The following MDM4 variants were observed in gnomAD, a reference collection of about 807,000 sequenced individuals.
MDM4 encodes MDM4 regulator of p53, also known as protein Mdm4.
In MDM4, 2 loss-of-function variants were observed where a neutral mutation model predicts 60.2. The observed-to-expected ratio is 0.03, with a 90% CI of 0.01 to 0.10. The LOEUF is 0.10. Ranked by LOEUF, MDM4 falls within the 10% of genes least tolerant of loss-of-function variation. The probability of loss-of-function intolerance (pLI) is 1.00; values close to 1 mark genes in which losing one functional copy is unlikely to be tolerated. For missense variants in MDM4, 447 were observed against 577.5 expected (o/e 0.77, Z 2.32); for synonymous variants, 202 against 198.1 (o/e 1.02, Z -0.17).
chr1:204,549,999 G>C lies in MDM4; in HGVS notation c.*317G>C, dbSNP rs1572530561. On this transcript the variant is annotated 3_prime_UTR_variant, in exon 11 of 11. Coordinates refer to ENST00000367182, the MANE Select transcript of MDM4 (RefSeq NM_002393.5). ...TGAGGTATAATTAACATGATAAAGT[G>C]TTTCCTTCTAACGAGTTGTAGAAAT... is the stretch of plus-strand genomic sequence containing the variant. 1 of 260,748 alleles carries C rather than the reference G, an allele frequency of 3.8e-6. No individual in the cohort carries two copies. Among genetic ancestry groups the C allele is most frequent in the African/African-American group, 2.2e-5 (1 of 46,024 alleles). 16.2% of individuals were successfully genotyped at this position (260,748 alleles called of 1,614,324 possible).
At chr1:204,532,931 A>G (rs1164996040) in intron 5 of MDM4, 1 of 1,205,114 alleles carries the variant, frequency 8.3e-7, no homozygotes, top group African/African-American at 1.5e-5. Flanking sequence ...CTTTATAGGT[A>G]ATGCTTTGTA....
At chr1:204,521,300 G>A (rs1000654366) in intron 1 of MDM4, among the ~76,000 whole-genome samples, 2 of 152,212 alleles carry the variant, frequency 1.3e-5, no homozygotes, top group African/African-American at 4.8e-5. Flanking sequence ...TCAGTGGGAT[G>A]ATAGGCTGAG....
rs145640886 is a variant in MDM4, at chr1:204,556,985, T to G, written c.*7303T>G. On this transcript the variant is annotated 3_prime_UTR_variant, in exon 11 of 11. Coordinates refer to ENST00000367182, the MANE Select transcript of MDM4 (RefSeq NM_002393.5). ...AGAGTTAAGTATTGAGTGCCAGTCT[T>G]GACGTCCGTATGCCTCAGTTTTTCT... The G allele has an allele frequency of 1.1e-3, 229 of 207,820 alleles. No homozygotes were observed. The East Asian group carries it at 0.017, about 15-fold the overall frequency. The allele number at this position is 207,820 out of a possible 1,614,324, so 12.9% of individuals were successfully genotyped here.
chr1:204,543,019 C>T (rs1313445292), intron 8 of MDM4, 75 bp downstream of exon 8: 1 of 1,225,364 alleles, frequency 8.2e-7, no homozygotes, highest in East Asian at 2.3e-5. Context: ...CTTGACCACA[C>T]ATTATATTCT....
rs915456318 is a variant in MDM4 at position 204,557,875 on chromosome 1, T to C, written c.*8193T>C. On this transcript the variant is annotated 3_prime_UTR_variant, in exon 11 of 11. Transcript: ENST00000367182. ...TAAAATAACTTTTTGGGAGACTGAA[T>C]TGAGTAATAATAAAACTTCAGTCTT... 5.4e-6 allele frequency: 1 copy of C among 185,860 alleles called. No homozygotes were observed. The highest frequency in any genetic ancestry group is 2.4e-5 in the African/African-American group (1 of 42,470). 11.5% of individuals were successfully genotyped at this position (185,860 alleles called of 1,614,324 possible).
At position 204,523,217 on chromosome 1, in the gene MDM4, C is replaced by A. The variant is rs189945228; in HGVS notation, c.-35-2267C>A. ...AGACGTGGTGGCTCATGCCTGTAAT[C>A]CCAGCACTTTGGGAGGCTGAGGCAG... On this transcript the variant is annotated intron_variant, in intron 1 of 10. Coordinates refer to ENST00000367182, the MANE Select transcript of MDM4 (RefSeq NM_002393.5). Among the ~76,000 whole-genome samples the A allele has an allele frequency of 3.1e-3, 468 of 149,758 alleles. 2 individuals carry two copies. Among genetic ancestry groups the A allele is most frequent in the African/African-American group, 0.011 (437 of 41,170 alleles).
Position 204,551,461 on chromosome 1 carries a change from C to CT in MDM4, c.*1808dup, listed in dbSNP as rs56047802. On this transcript the variant is annotated 3_prime_UTR_variant, in exon 11 of 11. Transcript: ENST00000367182. ...ATACTGGATGGTTGAGAGGCAGCCT[C>CT]TTTTTTTTTTTTTTTTTTTTTTTTT... is the stretch of plus-strand genomic sequence containing the variant. The CT allele has an allele frequency of 0.015, 1,380 of 91,282 alleles. 98 individuals carry two copies. The highest frequency in any genetic ancestry group is 0.026 in the Admixed American group (138 of 5,406). 5.7% of individuals were successfully genotyped at this position (91,282 alleles called of 1,614,324 possible). A position where few individuals can be genotyped will look rare whatever the true frequency, so the allele number is the denominator to read the frequency against.
At chr1:204,522,608 A>T (rs1466626190) in intron 1 of MDM4, among the ~76,000 whole-genome samples, 1 of 151,702 alleles carries the variant, frequency 6.6e-6, no homozygotes, top group East Asian at 2.0e-4. Context: ...TTTGGCCAGG[A>T]TAGTCTTGAT....
intron 8 of MDM4, 81 bp from the exon 9 acceptor site, chr1:204,544,454 G>C: frequency 7.1e-7 from 1 of 1,404,332 alleles, no homozygotes; most frequent in East Asian, 2.3e-5. Context: ...ACGACATTGA[G>C]TTTTGGGTTC....
chr1:204,531,844 G>C (rs189478675), intron 4 of MDM4, among the ~76,000 whole-genome samples: 347 of 151,638 alleles, frequency 2.3e-3, no homozygotes, highest in Non-Finnish European at 3.4e-3. Flanking sequence ...AAAAAAAAAA[G>C]ACTCCCCTCC....
intron 3 of MDM4, among the ~76,000 whole-genome samples, chr1:204,527,625 A>G (rs1296914092): frequency 6.6e-6 from 1 of 150,998 alleles, no homozygotes; most frequent in Non-Finnish European, 1.5e-5. Flanking sequence ...CCTGGGCAAC[A>G]AGAGTGAAAC....
intron 5 of MDM4, among the ~76,000 whole-genome samples, chr1:204,536,692 TC>T (rs1474897744): frequency 1.3e-5 from 2 of 152,240 alleles, no homozygotes; most frequent in Non-Finnish European, 2.9e-5. Context: ...TCTTTGTAAG[TC>T]CTTGGAATGC....
chr1:204,529,568 A>T, intron 3 of MDM4: 1 of 1,448,184 alleles, frequency 6.9e-7, no homozygotes, highest in South Asian at 1.3e-5. Context: ...AGCCACCACC[A>T]GGGGGTAGCA....
At position 204,549,346 on chromosome 1, in the gene MDM4, G is replaced by C. The variant is rs2102456716; in HGVS notation, c.1137G>C (p.Lys379Asn). Residue 379 changes from lysine (K) to asparagine (N), a missense_variant, in exon 11 of 11, where the codon AAG becomes AAC. Coordinates refer to ENST00000367182, the MANE Select transcript of MDM4 (RefSeq NM_002393.5). The part of the protein sequence containing the change: ...PVVRPKDAYI[K>N]KENSKLFDPC... The stretch of plus-strand genomic sequence containing the variant: ...TTAGACCTAAAGATGCGTATATAAA[G>C]AAAGAAAACTCCAAACTTTTTGATC... The C allele has an allele frequency of 1.9e-6, 3 of 1,614,156 alleles. No homozygotes were observed. Among genetic ancestry groups the C allele is most frequent in the Non-Finnish European group, 2.5e-6 (3 of 1,180,020 alleles).
At chr1:204,517,178 G>T (rs1032498412) in intron 1 of MDM4, among the ~76,000 whole-genome samples, 1 of 151,604 alleles carries the variant, frequency 6.6e-6, no homozygotes. Flanking sequence ...GTGGGCGGGG[G>T]TTGCAGTGAG....
chr1:204,529,400 G>T (rs897048383), intron 3 of MDM4: 4 of 1,187,746 alleles, frequency 3.4e-6, no homozygotes, highest in South Asian at 1.2e-5. Flanking sequence ...GCTGGGCACC[G>T]TAGGAATTTG....
intron 5 of MDM4, among the ~76,000 whole-genome samples, chr1:204,536,365 A>G (rs1419780514): frequency 6.6e-6 from 1 of 152,242 alleles, no homozygotes; most frequent in East Asian, 1.9e-4. Context: ...CCGTTTGTCC[A>G]CAAAAATGTT....
At chr1:204,528,251 C>T (rs755907793) in intron 3 of MDM4, among the ~76,000 whole-genome samples, 3 of 152,094 alleles carry the variant, frequency 2.0e-5, no homozygotes, top group Non-Finnish European at 2.9e-5. Context: ...ATCCCAGCTG[C>T]GGAGGCAGTA....
intron 6 of MDM4, 81 bp downstream of exon 6, chr1:204,537,578 C>A: frequency 1.0e-6 from 1 of 974,760 alleles, no homozygotes; most frequent in Admixed American, 2.0e-5. Flanking sequence ...CTCCCAAGAC[C>A]TTTCCCTGAA....
Sources: allele counts gnomAD v4.1 joint callset (sites outside exome capture counted in the v4.1 genomes callset), GRCh38; gene constraint gnomAD v4.1.1; transcripts MANE v1.5; gene names NCBI Gene and HGNC (gene_info 2026-07-23, HGNC 2026-07-21).